The following LIPC variants were observed in gnomAD, a reference collection of about 807,000 sequenced individuals.
LIPC encodes the protein hepatic triacylglycerol lipase.
A neutral mutation model predicts 50.7 loss-of-function variants in LIPC; 44 were observed. The ratio of observed to expected loss-of-function variants is 0.87; its 90% CI spans 0.68 to 1.11. LIPC has a LOEUF of 1.11. Among genes scored for constraint, LIPC ranks in the 50% most tolerant of loss-of-function variants. The pLI, the probability that LIPC is intolerant of heterozygous loss-of-function variation, is 0.00. For synonymous variants in LIPC, 271 were observed against 256.4 expected (o/e 1.06, Z -0.54); for missense variants, 697 against 648.2 (o/e 1.08, Z -0.82).
intron 1 of LIPC, among the ~76,000 whole-genome samples, chr15:58,512,264 A>G (rs1892352404): frequency 6.6e-6 from 1 of 151,704 alleles, no homozygotes; most frequent in Non-Finnish European, 1.5e-5. Context: ...AAGCCTGACT[A>G]ATTTTTGTAT....
intron 1 of LIPC, among the ~76,000 whole-genome samples, chr15:58,512,959 ACG>A (rs373082476): frequency 1.3e-4 from 20 of 151,066 alleles, no homozygotes; most frequent in Non-Finnish European, 1.9e-4. Flanking sequence ...CAAAGCATCA[ACG>A]AAAAAAAAAA....
intron 1 of LIPC, among the ~76,000 whole-genome samples, chr15:58,493,781 G>A (rs1223258257): frequency 1.3e-5 from 2 of 149,240 alleles, no homozygotes; most frequent in African/African-American, 4.9e-5. Context: ...GAATATATAA[G>A]TTTATATATA....
chr15:58,541,715 GC>G, intron 2 of LIPC, 69 bp from the exon 3 acceptor site: 5 of 1,470,832 alleles, frequency 3.4e-6, no homozygotes, highest in Non-Finnish European at 4.7e-6. Context: ...TTATCCAGGA[GC>G]TGGAGAAGGA....
chr15:58,538,037 A>G (rs1236986467), intron 1 of LIPC, among the ~76,000 whole-genome samples: 5 of 152,154 alleles, frequency 3.3e-5, no homozygotes, highest in African/African-American at 9.7e-5. Context: ...AGCCTCCAAA[A>G]CTGCCTTGCC....
At chr15:58,455,110 G>A (rs1894060957) in intron 1 of LIPC, 1 of 152,226 alleles carries the variant, frequency 6.6e-6, no homozygotes, top group Non-Finnish European at 1.5e-5. Context: ...GAGCTTAACA[G>A]CAGCCATGAT....
At chr15:58,549,895 T>A (rs1292788512) in intron 6 of LIPC, among the ~76,000 whole-genome samples, 1 of 152,268 alleles carries the variant, frequency 6.6e-6, no homozygotes, top group Admixed American at 6.5e-5. Context: ...GCTCCTCCGC[T>A]GCAGGCTGCC....
rs536036154 is a variant in LIPC, at chr15:58,459,192, G to A, written c.88+27072G>A. Among the ~76,000 whole-genome samples, 37 of 152,246 alleles carry A rather than the reference G, an allele frequency of 2.4e-4. 1 individual carries two copies. The highest frequency in any genetic ancestry group is 1.2e-4 in the Non-Finnish European group (8 of 68,028). On this transcript the variant is annotated intron_variant, in intron 1 of 8. Coordinates refer to ENST00000299022, the MANE Select transcript of LIPC (RefSeq NM_000236.3). ...GGCCCAGTGGACATCAGGAGGAGATGGCCTCCCTCACTGCAAGACGACCTC... is the reference window on the plus strand; with the variant it reads ...GGCCCAGTGGACATCAGGAGGAGATAGCCTCCCTCACTGCAAGACGACCTC...
chr15:58,469,134 G>GTA (rs2140734319), intron 1 of LIPC, among the ~76,000 whole-genome samples: 1 of 151,508 alleles, frequency 6.6e-6, no homozygotes, highest in Non-Finnish European at 1.5e-5. Flanking sequence ...GTGTGTGTGT[G>GTA]TGTGTGTGTA....
chr15:58,531,150 T>C (rs1481647308), intron 1 of LIPC, among the ~76,000 whole-genome samples: 1 of 152,242 alleles, frequency 6.6e-6, no homozygotes, highest in Non-Finnish European at 1.5e-5. Context: ...GTCAGTCTTT[T>C]TAATTTTAGC....
intron 1 of LIPC, among the ~76,000 whole-genome samples, chr15:58,531,399 G>A (rs769020144): frequency 2.0e-5 from 3 of 151,976 alleles, no homozygotes; most frequent in East Asian, 1.9e-4. Flanking sequence ...CAGTACAAAC[G>A]GAAAGCTCTT....
chr15:58,500,582 G>A (rs1368118648), intron 1 of LIPC, among the ~76,000 whole-genome samples: 1 of 152,142 alleles, frequency 6.6e-6, no homozygotes, highest in African/African-American at 2.4e-5. Context: ...ATTTACTCCT[G>A]TTGAAAATTA....
intron 6 of LIPC, among the ~76,000 whole-genome samples, chr15:58,550,237 G>C (rs1252248497): frequency 1.3e-5 from 2 of 152,146 alleles, no homozygotes; most frequent in East Asian, 1.9e-4. Context: ...AAGGGTGGGG[G>C]AATTGCTTTC....
rs191336081 is a variant in LIPC, at chr15:58,536,565, T to C, written c.89-1768T>C. Reference sequence around the variant, plus strand: ...TGAAGCTTTGGACTGATCGAGAAGCTGGCATAGCAGTGCAAGGTGACACCC... The same window carrying C: ...TGAAGCTTTGGACTGATCGAGAAGCCGGCATAGCAGTGCAAGGTGACACCC... On this transcript the variant is annotated intron_variant, in intron 1 of 8. Transcript: ENST00000299022. 2.4e-3 allele frequency among the ~76,000 whole-genome samples: 358 copies of C among 152,216 alleles called. 3 individuals are homozygous for C. The highest frequency in any genetic ancestry group is 8.1e-3 in the African/African-American group (338 of 41,520).
At chr15:58,533,402 T>C (rs1893014081) in intron 1 of LIPC, among the ~76,000 whole-genome samples, 1 of 152,212 alleles carries the variant, frequency 6.6e-6, no homozygotes, top group South Asian at 2.1e-4. Flanking sequence ...TGAATATATA[T>C]GTATATATAA....
chr15:58,470,499 C>G lies in LIPC; in HGVS notation c.88+38379C>G, dbSNP rs568039683. ...TTAAAATTACTTTTTCATAAAATTA[C>G]TCATTTTATAAAACACATTTTTCCT... On this transcript the variant is annotated intron_variant, in intron 1 of 8. Transcript: ENST00000299022. Among the ~76,000 whole-genome samples, 267 of 151,846 alleles carry G rather than the reference C, an allele frequency of 1.8e-3. 2 individuals are homozygous for G. Among genetic ancestry groups the G allele is most frequent in the South Asian group, 2.9e-3 (14 of 4,814 alleles).
chr15:58,526,509 T>G (rs1892803155), intron 1 of LIPC, among the ~76,000 whole-genome samples: 1 of 152,160 alleles, frequency 6.6e-6, no homozygotes, highest in Non-Finnish European at 1.5e-5. Flanking sequence ...CAGAACAACC[T>G]GGCCAAATGG....
chr15:58,481,696 G>A (rs751267410), intron 1 of LIPC, among the ~76,000 whole-genome samples: 2 of 152,200 alleles, frequency 1.3e-5, no homozygotes, highest in African/African-American at 2.4e-5. Context: ...TACTCGAGAG[G>A]CTGAGGCAGG....
intron 1 of LIPC, among the ~76,000 whole-genome samples, chr15:58,526,962 G>A (rs1459027451): frequency 6.6e-6 from 1 of 152,126 alleles, no homozygotes; most frequent in African/African-American, 2.4e-5. Flanking sequence ...CAAAGCCAGT[G>A]CCCGCCCCAC....
At chr15:58,475,789 G>C (rs1890975070) in intron 1 of LIPC, among the ~76,000 whole-genome samples, 1 of 152,242 alleles carries the variant, frequency 6.6e-6, no homozygotes, top group African/African-American at 2.4e-5. Context: ...GGAAGCAGCA[G>C]CTCAGGGCAG....
Sources: allele counts gnomAD v4.1 joint callset (sites outside exome capture counted in the v4.1 genomes callset), GRCh38; gene constraint gnomAD v4.1.1; transcripts MANE v1.5; gene names NCBI Gene and HGNC (gene_info 2026-07-23, HGNC 2026-07-21).